Variants in NELFA observed in about 807,000 individuals in gnomAD.
NELFA encodes the protein negative elongation factor complex member A, also known as negative elongation factor A.
In NELFA, 35 loss-of-function variants were observed where a neutral mutation model predicts 51.8. The observed-to-expected ratio is 0.68, with a 90% CI of 0.52 to 0.90. The LOEUF is 0.90. Among genes scored for constraint, NELFA ranks in the 40% least tolerant of loss-of-function variants. NELFA has a pLI of 0.00. For missense variants in NELFA, 658 were observed against 746.4 expected (o/e 0.88, Z 1.38); for synonymous variants, 417 against 338.4 (o/e 1.23, Z -2.55).
At chr4:1,987,746 G>A (rs1292854367) in intron 4 of NELFA, 172 bp downstream of exon 4, 16 of 593,336 alleles carry the variant, frequency 2.7e-5, no homozygotes, top group Non-Finnish European at 3.8e-5. Context: ...AGCTCCCCAA[G>A]GGGAGAAGCC....
chr4:1,986,685 C>T lies in NELFA; in HGVS notation c.635-283G>A, dbSNP rs564380829. On this transcript the variant is annotated intron_variant, in intron 4 of 10. Transcript: ENST00000382882. ...GAGTCTCTCACCAGTGTGGCGGGGG[C>T]TGAGCTCTGCCTCCTTCCTGTGCCT... 1,016 of 403,154 alleles carry T rather than the reference C, an allele frequency of 2.5e-3. 2 individuals are homozygous for T. Among genetic ancestry groups the T allele is most frequent in the Middle Eastern group, 5.7e-3 (8 of 1,406 alleles). 25.0% of individuals were successfully genotyped at this position (403,154 alleles called of 1,614,324 possible). A position where few individuals can be genotyped will look rare whatever the true frequency, so the allele number is the denominator to read the frequency against.
At chr4:1,986,237 C>G (rs1357209343) in intron 5 of NELFA, 35 bp downstream of exon 5, 1 of 1,566,158 alleles carries the variant, frequency 6.4e-7, no homozygotes, top group Admixed American at 1.9e-5. Flanking sequence ...CGCAACGGGC[C>G]CCGGGGTGCC....
At position 1,983,469 on chromosome 4, in the gene NELFA, C is replaced by T. The variant is rs1727961478; in HGVS notation, c.1437G>A (p.Gln479=). 2.5e-6 allele frequency: 4 copies of T among 1,614,180 alleles called. No individual in the cohort carries two copies. Among genetic ancestry groups the T allele is most frequent in the Non-Finnish European group, 3.4e-6 (4 of 1,180,034 alleles). ...NPCQEQGDVI[Q]IKLSEHTEDL... ...CCTCCGTGTGCTCGCTCAGCTTGATCTGGATCACGTCCCCCTGCTCCTGGC... is the reference window on the plus strand; with the variant it reads ...CCTCCGTGTGCTCGCTCAGCTTGATTTGGATCACGTCCCCCTGCTCCTGGC... Residue 479 remains glutamine (Q), a synonymous_variant, in exon 11 of 11, where the codon CAG becomes CAA. Coordinates refer to ENST00000382882, the MANE Select transcript of NELFA (RefSeq NM_005663.5).
At chr4:2,002,483 A>G (rs1728607481) in intron 1 of NELFA, among the ~76,000 whole-genome samples, 1 of 152,188 alleles carries the variant, frequency 6.6e-6, no homozygotes, top group Non-Finnish European at 1.5e-5. Context: ...TTCAAACTAC[A>G]CTTACAAGGC....
At position 2,003,422 on chromosome 4, in the gene NELFA, C is replaced by T. The variant is rs182468521; in HGVS notation, c.210+5328G>A. Among the ~76,000 whole-genome samples, 64 of 152,256 alleles carry T rather than the reference C, an allele frequency of 4.2e-4. 1 individual carries two copies. Among genetic ancestry groups the T allele is most frequent in the African/African-American group, 1.4e-3 (60 of 41,556 alleles). ...TAAATCATTCTGCTATAAAGACACACGTACAGGTATGTTTACTGCAGCACT... is the reference window on the plus strand; with the variant it reads ...TAAATCATTCTGCTATAAAGACACATGTACAGGTATGTTTACTGCAGCACT... On this transcript the variant is annotated intron_variant, in intron 1 of 10. Transcript: ENST00000382882.
intron 1 of NELFA, among the ~76,000 whole-genome samples, chr4:2,002,068 C>T (rs770752318): frequency 8.6e-5 from 13 of 151,718 alleles, no homozygotes; most frequent in South Asian, 2.1e-4. Context: ...GGCATGGTGG[C>T]GGGCGCCTGT....
At chr4:1,998,995 C>T (rs1191434709) in intron 1 of NELFA, among the ~76,000 whole-genome samples, 1 of 152,130 alleles carries the variant, frequency 6.6e-6, no homozygotes, top group Non-Finnish European at 1.5e-5. Flanking sequence ...GGCCAATATT[C>T]AACATTCTTA....
chr4:2,008,849 G>C lies in NELFA; in HGVS notation c.111C>G (p.Val37=). 6.2e-7 allele frequency: 1 copy of C among 1,606,068 alleles called. No homozygotes were observed. Among genetic ancestry groups the C allele is most frequent in the South Asian group, 1.1e-5 (1 of 89,404 alleles). Residue 37 remains valine, a synonymous_variant, in exon 1 of 11, where the codon GTC becomes GTG. Transcript: ENST00000382882. ...GGAAGCAGAGACGGATGTTGTCGAT[G>C]ACCGCGGCCGTGAGCAGGGACGCGA... ...PSIASLLTAA[V]IDNIRLCFHG...
intron 1 of NELFA, among the ~76,000 whole-genome samples, chr4:1,994,849 A>C (rs1459956873): frequency 9.2e-6 from 1 of 108,924 alleles, no homozygotes; most frequent in Non-Finnish European, 2.2e-5. Context: ...ACTCCGTCTC[A>C]AAAAAAAAAA....
rs369610622 is a variant in NELFA, at chr4:1,983,286, C to A, written c.*33G>T. 2.5e-4 allele frequency: 400 copies of A among 1,594,472 alleles called. 1 individual carries two copies. The highest frequency in any genetic ancestry group is 1.0e-3 in the South Asian group (92 of 89,276). ...GCAAAGCCATCGTCCCGTGGACCCC[C>A]ACAAGTGACGGCCAGCTGTGAGGCA... On this transcript the variant is annotated 3_prime_UTR_variant, in exon 11 of 11. Transcript: ENST00000382882.
In NELFA at chr4:1,996,234, C is replaced by A. The variant is rs531362774; in HGVS notation, c.211-4519G>T. Among the ~76,000 whole-genome samples, 6 of 152,308 alleles carry A rather than the reference C, an allele frequency of 3.9e-5. No homozygotes were observed. The East Asian group carries it at 1.2e-3, about 29-fold the overall frequency. On this transcript the variant is annotated intron_variant, in intron 1 of 10. Coordinates refer to ENST00000382882, the MANE Select transcript of NELFA (RefSeq NM_005663.5). Reference sequence around the variant, plus strand: ...CTAGAAATTAATAATAAAAACAAAACTATCTTCCCCTCCAATGTAGGGAAA... The same window carrying A: ...CTAGAAATTAATAATAAAAACAAAAATATCTTCCCCTCCAATGTAGGGAAA...
At chr4:2,006,766 C>G (rs1377612373) in intron 1 of NELFA, among the ~76,000 whole-genome samples, 1 of 62,704 alleles carries the variant, frequency 1.6e-5, no homozygotes, top group East Asian at 8.7e-4. Context: ...GAGACGCTGT[C>G]TCAAAAAAAA....
chr4:1,983,496 C>A lies in NELFA; in HGVS notation c.1410G>T (p.Pro470=), dbSNP rs778610675. 1 of 1,613,982 alleles carries A rather than the reference C, an allele frequency of 6.2e-7. No homozygotes were observed. The highest frequency in any genetic ancestry group is 1.3e-5 in the African/African-American group (1 of 75,060). Residue 470 remains proline, a synonymous_variant, in exon 11 of 11, where the codon CCG becomes CCT. Transcript: ENST00000382882. ...GGATCACGTCCCCCTGCTCCTGGCACGGGTTCTCTGCAGAGAGCAGGAGCT... is the reference window on the plus strand; with the variant it reads ...GGATCACGTCCCCCTGCTCCTGGCAAGGGTTCTCTGCAGAGAGCAGGAGCT... ...LGFMAGSREN[P]CQEQGDVIQI... is the part of the protein sequence containing the mutation.
intron 4 of NELFA, 131 bp downstream of exon 4, chr4:1,987,787 C>A: frequency 1.3e-6 from 1 of 772,906 alleles, no homozygotes; most frequent in South Asian, 2.0e-5. Context: ...TTCGCTTTCC[C>A]ACGGGCTCCC....
intron 1 of NELFA, among the ~76,000 whole-genome samples, chr4:1,998,845 T>G (rs1344985352): frequency 6.6e-6 from 1 of 152,002 alleles, no homozygotes; most frequent in Admixed American, 6.6e-5. Context: ...CACATAATCA[T>G]CAAATTCTCC....
rs371871500 is a variant in NELFA, at chr4:2,008,902, T to G, written c.58A>C (p.Thr20Pro). 9 of 1,584,518 alleles carry G rather than the reference T, an allele frequency of 5.7e-6. No homozygotes were observed. Among genetic ancestry groups the G allele is most frequent in the Non-Finnish European group, 6.0e-6 (7 of 1,166,456 alleles). The change falls in exon 1 of 11, where the codon ACG becomes CCG. Residue 20 changes from threonine to proline, a missense_variant. By Grantham distance (38) the Thr-to-Pro change is conservative (BLOSUM62 -1). This residue lies in a region of NELFA where 371 missense variants were observed against 448.3 expected (regional missense o/e 0.83). Transcript: ENST00000382882. ...CTGGGCGGCGCCCACAGCTCGTCCGTGGCCCCCAGCTTGTTGTGCAGCCAC... is the reference window on the plus strand; with the variant it reads ...CTGGGCGGCGCCCACAGCTCGTCCGGGGCCCCCAGCTTGTTGTGCAGCCAC... Reference protein sequence around the residue: ...GLWLHNKLGATDELWAPPSIA... With the variant: ...GLWLHNKLGAPDELWAPPSIA...
In NELFA at chr4:1,983,635, C is replaced by T. The variant is rs752273389; in HGVS notation, c.1363G>A (p.Glu455Lys). The change falls in exon 10 of 11, where the codon GAG (glutamate) becomes AAG (lysine). Residue 455 changes from glutamate to lysine, a missense_variant. By Grantham distance (56) the Glu-to-Lys change is moderately conservative. Transcript: ENST00000382882. ...ATGAAGCCCAGGATGAGGGCCTTCT[C>T]GGGCCGCGTGACTTTGTTGGCCGTC... ...FKTANKVTRP[E>K]KALILGFMAG... is the part of the protein sequence containing the mutation. 1.9e-6 allele frequency: 3 copies of T among 1,614,098 alleles called. No individual in the cohort carries two copies. The highest frequency in any genetic ancestry group is 2.5e-6 in the Non-Finnish European group (3 of 1,179,994).
chr4:2,002,187 G>T (rs186352739), intron 1 of NELFA, among the ~76,000 whole-genome samples: 1 of 151,932 alleles, frequency 6.6e-6, no homozygotes, highest in African/African-American at 2.4e-5. Context: ...GCGACAAAGC[G>T]AGACTCCATC....
chr4:2,008,087 T>G (rs1294466568), intron 1 of NELFA: 1 of 455,254 alleles, frequency 2.2e-6, no homozygotes, highest in African/African-American at 2.0e-5. Flanking sequence ...CAGCGGACAC[T>G]GGAGCTACCG....
Sources: gnomAD v4.1 joint callset for allele counts (sites outside exome capture counted in the v4.1 genomes callset) on GRCh38, gnomAD v4.1.1 for gene constraint, gnomAD v4.1.1 regional missense constraint, MANE v1.5 for transcripts, NCBI Gene and HGNC (gene_info 2026-07-23, HGNC 2026-07-21) for gene names.